Variants in RUNX1T1 observed in about 807,000 individuals in gnomAD.
RUNX1T1 encodes protein CBFA2T1.
RUNX1T1 carries 4 observed loss-of-function variants against 62.8 expected under a neutral mutation model. That is an observed-to-expected ratio of 0.06 (90% CI 0.03 to 0.15). RUNX1T1 has a LOEUF of 0.15. RUNX1T1 is among the 10% of genes least tolerant of loss of function. RUNX1T1 has a pLI of 1.00. For missense variants in RUNX1T1, 508 were observed against 754.3 expected, an observed-to-expected ratio of 0.67 and a Z score of 3.82; for synonymous variants, 291 against 286.0, an observed-to-expected ratio of 1.02 and a Z score of -0.18.
intron 10 of RUNX1T1, among the ~76,000 whole-genome samples, chr8:91,968,826 T>C (rs191153144): frequency 1.3e-5 from 2 of 152,336 alleles, no homozygotes; most frequent in African/African-American, 2.4e-5. Context: ...ATCCATAGCA[T>C]GACTCAAGGT....
At chr8:92,058,474 G>A (rs1014717200) in intron 1 of RUNX1T1, among the ~76,000 whole-genome samples, 1 of 152,174 alleles carries the variant, frequency 6.6e-6, no homozygotes, top group Admixed American at 6.5e-5. Context: ...CGATGAGAGC[G>A]ATCCAGGACT....
At chr8:91,975,434 A>G (rs1341152925) in intron 9 of RUNX1T1, among the ~76,000 whole-genome samples, 1 of 152,192 alleles carries the variant, frequency 6.6e-6, no homozygotes, top group African/African-American at 2.4e-5. Context: ...GATTGTAACC[A>G]AAAAATTATC....
At chr8:92,037,415 T>G (rs1223474198) in intron 1 of RUNX1T1, among the ~76,000 whole-genome samples, 1 of 152,200 alleles carries the variant, frequency 6.6e-6, no homozygotes, top group African/African-American at 2.4e-5. Context: ...CGGTGACTCA[T>G]GCCTGTAATC....
At chr8:91,985,181 G>A (rs905797149) in intron 8 of RUNX1T1, among the ~76,000 whole-genome samples, 8 of 152,146 alleles carry the variant, frequency 5.3e-5, no homozygotes, top group Non-Finnish European at 1.2e-4. Flanking sequence ...TGGGGCCAAC[G>A]CATAAGATAA....
intron 1 of RUNX1T1, among the ~76,000 whole-genome samples, chr8:92,036,924 A>G (rs1827526083): frequency 6.6e-6 from 1 of 152,178 alleles, no homozygotes; most frequent in Non-Finnish European, 1.5e-5. Flanking sequence ...AAGATACTAA[A>G]TAGTGACACC....
intron 5 of RUNX1T1, chr8:92,003,184 A>T (rs1449012668): frequency 1.6e-5 from 5 of 305,008 alleles, no homozygotes; most frequent in Admixed American, 3.7e-5. Context: ...GTTCTACCTG[A>T]CTGAATGCAT....
At chr8:91,964,214 G>A (rs755692247) in intron 10 of RUNX1T1, among the ~76,000 whole-genome samples, 9 of 152,174 alleles carry the variant, frequency 5.9e-5, no homozygotes, top group Non-Finnish European at 1.3e-4. Context: ...ATTTCTCTTT[G>A]TCCCTAAGAA....
intron 8 of RUNX1T1, among the ~76,000 whole-genome samples, chr8:91,985,231 G>A (rs944606468): frequency 1.3e-5 from 2 of 152,114 alleles, no homozygotes; most frequent in African/African-American, 4.8e-5. Context: ...ACCTTCGTAA[G>A]TTTACTCAAA....
At chr8:92,017,032 T>C (rs1289623008) in intron 2 of RUNX1T1, among the ~76,000 whole-genome samples, 194 bp downstream of exon 3, 1 of 152,192 alleles carries the variant, frequency 6.6e-6, no homozygotes, top group Non-Finnish European at 1.5e-5. Context: ...ATATTGGCAG[T>C]CACACAAATT....
At chr8:92,065,175 AAAAT>A (rs144560029), upstream of RUNX1T1, among the ~76,000 whole-genome samples, 27 of 152,126 alleles carry the variant, frequency 1.8e-4, no homozygotes, top group African/African-American at 9.7e-5. Flanking sequence ...TTCGTTCATA[AAAAT>A]AAATAAATAA....
chr8:91,973,520 C>T lies in RUNX1T1; in HGVS notation c.1267+2385G>A, dbSNP rs562459046. On this transcript the variant is annotated intron_variant, in intron 9 of 10. Coordinates refer to ENST00000396218, the Ensembl canonical transcript of RUNX1T1. ...ACATCAAGTTTTGGGTGTTCTGCCC[C>T]TTTTGTATTTTTCAAATACTTTATT... Among the ~76,000 whole-genome samples, 6 of 152,030 alleles carry T rather than the reference C, an allele frequency of 3.9e-5. No individual in the cohort carries two copies. The South Asian group carries it at 1.0e-3, about 26-fold the overall frequency.
intron 10 of RUNX1T1, among the ~76,000 whole-genome samples, chr8:91,967,780 C>T (rs980354991): frequency 2.0e-5 from 3 of 151,978 alleles, no homozygotes; most frequent in African/African-American, 4.8e-5. Context: ...ACCACATATA[C>T]GTTGTTTTAG....
intron 8 of RUNX1T1, among the ~76,000 whole-genome samples, chr8:91,980,498 A>T (rs909152891): frequency 5.9e-5 from 9 of 152,188 alleles, no homozygotes; most frequent in Non-Finnish European, 4.4e-5. Flanking sequence ...TTAAGACAGG[A>T]ATCTTTTCTA....
exon 11 of RUNX1T1, chr8:91,959,482 GTGTGTGTATATATA>G (rs1809990755): frequency 6.4e-5 from 11 of 171,204 alleles, no homozygotes; most frequent in African/African-American, 1.9e-4. Context: ...GTGCGTGTGT[GTGTGTGTATATATA>G]TATATATATA....
chr8:91,960,375 C>T (rs1432909241), exon 11 of RUNX1T1: 1 of 1,614,100 alleles, frequency 6.2e-7, no homozygotes, highest in East Asian at 2.2e-5. Flanking sequence ...AGGTGTGTCT[C>T]CCTGCTGCTG....
At chr8:92,090,871 A>T (rs535151914) in intron 1 of RUNX1T1, among the ~76,000 whole-genome samples, 5 of 152,328 alleles carry the variant, frequency 3.3e-5, no homozygotes, top group Non-Finnish European at 2.9e-5. Context: ...TTTGAAATGA[A>T]GAAAGTGAAA....
intron 1 of RUNX1T1, among the ~76,000 whole-genome samples, chr8:92,027,129 A>AAAG (rs1554626443): frequency 2.7e-4 from 40 of 145,816 alleles, no homozygotes; most frequent in African/African-American, 4.5e-4. Flanking sequence ...AAAAAAAAAA[A>AAAG]AAAAAGAAAA....
At chr8:91,988,717 T>C (rs1817060807) in intron 6 of RUNX1T1, among the ~76,000 whole-genome samples, 1 of 152,124 alleles carries the variant, frequency 6.6e-6, no homozygotes, top group African/African-American at 2.4e-5. Context: ...GTAATATTAA[T>C]GAGCAACAGG....
At chr8:91,998,934 T>C (rs1361394437) in intron 5 of RUNX1T1, among the ~76,000 whole-genome samples, 1 of 152,202 alleles carries the variant, frequency 6.6e-6, no homozygotes, top group African/African-American at 2.4e-5. Context: ...GACCATTTAA[T>C]ACACTACTAA....
Sources: gnomAD v4.1 joint callset for allele counts (sites outside exome capture counted in the v4.1 genomes callset) on GRCh38, gnomAD v4.1.1 for gene constraint, MANE v1.5 for transcripts, NCBI Gene and HGNC (gene_info 2026-07-23, HGNC 2026-07-21) for gene names.